Variants in DCC observed in about 807,000 individuals in gnomAD.
The protein encoded by DCC is netrin receptor DCC.
Under a neutral mutation model 172.5 loss-of-function variants are expected in DCC, and 58 were observed. The ratio of observed to expected loss-of-function variants is 0.34; its 90% CI spans 0.27 to 0.42. DCC has a LOEUF of 0.42. Among genes scored for constraint, DCC ranks in the 10% least tolerant of loss-of-function variants. DCC has a pLI of 1.00. For missense variants in DCC, 1,740 were observed against 1,791.0 expected, an observed-to-expected ratio of 0.97 and a Z score of 0.51; for synonymous variants, 709 against 644.5, an observed-to-expected ratio of 1.10 and a Z score of -1.52.
chr18:53,255,596 T>G (rs2056497697), intron 12 of DCC, among the ~76,000 whole-genome samples: 1 of 152,110 alleles, frequency 6.6e-6, no homozygotes, highest in South Asian at 2.1e-4. Context: ...TGCCACATTT[T>G]CTTAATCCAG....
chr18:52,824,648 C>A (rs972081128), intron 2 of DCC, among the ~76,000 whole-genome samples: 1 of 152,102 alleles, frequency 6.6e-6, no homozygotes, highest in African/African-American at 2.4e-5. Context: ...CAGAACCCTT[C>A]ATCTCAGCAA....
chr18:52,942,072 T>A (rs544721345), intron 5 of DCC, among the ~76,000 whole-genome samples: 2 of 152,324 alleles, frequency 1.3e-5, no homozygotes, highest in Admixed American at 1.3e-4. Flanking sequence ...TGTGAGCCAC[T>A]GCGCCTGGCC....
chr18:53,021,700 A>C (rs866105903), intron 5 of DCC, among the ~76,000 whole-genome samples: 1 of 152,262 alleles, frequency 6.6e-6, no homozygotes, highest in Non-Finnish European at 1.5e-5. Flanking sequence ...TGCTTTAATC[A>C]GACCATGCTC....
chr18:53,493,044 G>T (rs2045977205), intron 26 of DCC, among the ~76,000 whole-genome samples: 1 of 152,128 alleles, frequency 6.6e-6, no homozygotes, highest in African/African-American at 2.4e-5. Context: ...CACATTCCTT[G>T]TAAGTTGTAT....
intron 1 of DCC, among the ~76,000 whole-genome samples, chr18:52,347,196 T>C (rs1401445126): frequency 6.6e-6 from 1 of 152,170 alleles, no homozygotes; most frequent in Admixed American, 6.5e-5. Flanking sequence ...CCATCTACAA[T>C]GTTCTTAAAT....
At chr18:52,967,369 G>A (rs2040952002) in intron 5 of DCC, among the ~76,000 whole-genome samples, 1 of 152,154 alleles carries the variant, frequency 6.6e-6, no homozygotes, top group African/African-American at 2.4e-5. Flanking sequence ...TGATTTGCAG[G>A]TCTCTTTCTT....
intron 5 of DCC, among the ~76,000 whole-genome samples, chr18:52,991,934 C>T (rs751287704): frequency 2.0e-4 from 30 of 152,168 alleles, no homozygotes; most frequent in Non-Finnish European, 1.5e-4. Context: ...CTTATTATAA[C>T]GCAAGGTGGG....
At chr18:53,219,008 T>A (rs2055893131) in intron 12 of DCC, among the ~76,000 whole-genome samples, 1 of 152,136 alleles carries the variant, frequency 6.6e-6, no homozygotes, top group South Asian at 2.1e-4. Context: ...GAATTCAAGT[T>A]GCTTGGGTCC....
chr18:53,506,480 C>CTCGGAAAT (rs1466212214), intron 27 of DCC, among the ~76,000 whole-genome samples: 1 of 152,066 alleles, frequency 6.6e-6, no homozygotes, highest in Admixed American at 6.5e-5. Flanking sequence ...AACCACAGCC[C>CTCGGAAAT]TCGGAAATTC....
rs540645493 is a variant in DCC, at chr18:53,120,260, A to G, written c.1262-37096A>G. 4.6e-5 allele frequency among the ~76,000 whole-genome samples: 7 copies of G among 151,990 alleles called. No homozygotes were observed. The South Asian group carries it at 1.5e-3, about 31-fold the overall frequency. On this transcript the variant is annotated intron_variant, in intron 7 of 28. Transcript: ENST00000442544. ...TGTGGGGAAGATATTTGTATAAAATACTATTCATTTGCTTCAATTAGTATA... is the reference window on the plus strand; with the variant it reads ...TGTGGGGAAGATATTTGTATAAAATGCTATTCATTTGCTTCAATTAGTATA...
chr18:53,099,008 CAAT>C lies in DCC; in HGVS notation c.1261+32856_1261+32858del, dbSNP rs200996143. 9.4e-3 allele frequency among the ~76,000 whole-genome samples: 1,423 copies of C among 151,844 alleles called. 29 individuals carry two copies. The highest frequency in any genetic ancestry group is 0.032 in the African/African-American group (1,322 of 41,390). On this transcript the variant is annotated intron_variant, in intron 7 of 28. Transcript: ENST00000442544. ...TGTGTGACATAGCAAGACCTCTTCT[CAAT>C]AATAATAATAATAGTAATAGTAATT...
intron 5 of DCC, among the ~76,000 whole-genome samples, chr18:52,973,967 G>A (rs749094875): frequency 1.2e-4 from 19 of 152,004 alleles, no homozygotes; most frequent in Admixed American, 2.6e-4. Context: ...TATGTGTGGC[G>A]GAGGTGTGTG....
intron 7 of DCC, among the ~76,000 whole-genome samples, chr18:53,126,538 G>A (rs1395660672): frequency 6.6e-6 from 1 of 152,088 alleles, no homozygotes; most frequent in Non-Finnish European, 1.5e-5. Context: ...AAAACAGTTG[G>A]GGGAAAGTGG....
chr18:53,452,331 T>C (rs1455397593), intron 23 of DCC, among the ~76,000 whole-genome samples: 6 of 152,212 alleles, frequency 3.9e-5, no homozygotes, highest in African/African-American at 1.2e-4. Flanking sequence ...TTCACTAAAC[T>C]AGCCAAATGT....
intron 14 of DCC, among the ~76,000 whole-genome samples, chr18:53,324,610 G>A (rs1012349803): frequency 1.3e-5 from 2 of 152,070 alleles, no homozygotes; most frequent in Admixed American, 1.3e-4. Context: ...AGCCCTTCAA[G>A]TAGAAGAAAA....
At chr18:52,364,621 C>T (rs1984763185) in intron 1 of DCC, among the ~76,000 whole-genome samples, 1 of 152,196 alleles carries the variant, frequency 6.6e-6, no homozygotes, top group Non-Finnish European at 1.5e-5. Flanking sequence ...CTCCTTAATA[C>T]CACCAAGGGC....
chr18:53,255,720 A>T (rs1465666202), intron 12 of DCC, among the ~76,000 whole-genome samples: 1 of 152,100 alleles, frequency 6.6e-6, no homozygotes. Context: ...TCCTTTGGGT[A>T]TATACCCAGT....
chr18:52,437,503 G>C (rs1987834955), intron 1 of DCC, among the ~76,000 whole-genome samples: 1 of 152,202 alleles, frequency 6.6e-6, no homozygotes, highest in African/African-American at 2.4e-5. Flanking sequence ...CCTCAAAAGA[G>C]AGACAGATGT....
intron 21 of DCC, among the ~76,000 whole-genome samples, chr18:53,418,420 CCCATT>C (rs1312978966): frequency 1.3e-5 from 2 of 152,122 alleles, no homozygotes; most frequent in Admixed American, 6.6e-5. Flanking sequence ...TCTTAATACT[CCCATT>C]CCCAGAACAC....
Sources: allele counts gnomAD v4.1 joint callset (sites outside exome capture counted in the v4.1 genomes callset), GRCh38; gene constraint gnomAD v4.1.1; transcripts MANE v1.5; gene names NCBI Gene and HGNC (gene_info 2026-07-23, HGNC 2026-07-21).